SHROOM3: variants seen among roughly 807,000 people sequenced by gnomAD.
SHROOM3 encodes the protein shroom family member 3, also known as protein Shroom3.
A neutral mutation model predicts 138.6 loss-of-function variants in SHROOM3; 47 were observed. The ratio of observed to expected loss-of-function variants is 0.34; its 90% CI spans 0.27 to 0.43. The LOEUF is 0.43. Ranked by LOEUF, SHROOM3 falls within the 20% of genes least tolerant of loss-of-function variation. The pLI is 1.00. For missense variants in SHROOM3, 2,491 were observed against 2,596.5 expected (o/e 0.96, Z 0.88); for synonymous variants, 1,062 against 1,063.3 (o/e 1.00, Z 0.02).
At chr4:76,548,337 G>A (rs1047769806) in intron 1 of SHROOM3, among the ~76,000 whole-genome samples, 2 of 152,164 alleles carry the variant, frequency 1.3e-5, no homozygotes, top group African/African-American at 4.8e-5. Flanking sequence ...AGTGTGATGA[G>A]GAGGGTCACA....
intron 8 of SHROOM3, chr4:76,757,235 A>G (rs1251507654): frequency 2.7e-6 from 1 of 374,996 alleles, no homozygotes; most frequent in Non-Finnish European, 5.0e-6. Context: ...TTTTCACAAG[A>G]ACTTTCTGAG....
chr4:76,675,487 G>A (rs768481944), intron 2 of SHROOM3, among the ~76,000 whole-genome samples: 2 of 152,134 alleles, frequency 1.3e-5, no homozygotes, highest in Non-Finnish European at 2.9e-5. Flanking sequence ...AGACACTGTA[G>A]GTACCCAGAA....
intron 4 of SHROOM3, among the ~76,000 whole-genome samples, chr4:76,734,666 G>A (rs1351550319): frequency 2.0e-5 from 3 of 151,914 alleles, no homozygotes; most frequent in African/African-American, 4.8e-5. Context: ...GTGAGCCACC[G>A]TACCTGGTAG....
chr4:76,563,314 T>G (rs1003108794), intron 2 of SHROOM3, among the ~76,000 whole-genome samples: 1 of 152,238 alleles, frequency 6.6e-6, no homozygotes, highest in East Asian at 1.9e-4. Context: ...AAGCTTCTGA[T>G]TATAACCTTT....
intron 1 of SHROOM3, among the ~76,000 whole-genome samples, chr4:76,532,603 C>G (rs1732856162): frequency 6.6e-6 from 1 of 152,162 alleles, no homozygotes. Context: ...CCTTTTCCAT[C>G]TTAACTCAAC....
intron 1 of SHROOM3, among the ~76,000 whole-genome samples, chr4:76,472,783 G>T (rs1316342028): frequency 1.3e-5 from 2 of 151,732 alleles, no homozygotes. Context: ...CAACCTCCGT[G>T]TCCTGGGTTC....
intron 2 of SHROOM3, among the ~76,000 whole-genome samples, chr4:76,639,209 AGT>A (rs1735590394): frequency 6.6e-6 from 1 of 152,168 alleles, no homozygotes; most frequent in Non-Finnish European, 1.5e-5. Context: ...CCACTTACTG[AGT>A]ACCTAATAAA....
intron 2 of SHROOM3, among the ~76,000 whole-genome samples, chr4:76,590,035 G>A (rs1032996952): frequency 1.3e-5 from 2 of 152,054 alleles, no homozygotes; most frequent in Non-Finnish European, 2.9e-5. Flanking sequence ...CGGAAATCAG[G>A]GATCCTTAAA....
chr4:76,486,149 T>G (rs1731725327), intron 1 of SHROOM3, among the ~76,000 whole-genome samples: 1 of 152,192 alleles, frequency 6.6e-6, no homozygotes, highest in Admixed American at 6.5e-5. Flanking sequence ...AGAAAGGAAG[T>G]GAATACAATG....
intron 9 of SHROOM3, among the ~76,000 whole-genome samples, chr4:76,762,980 A>T (rs535578768): frequency 6.6e-6 from 1 of 152,186 alleles, no homozygotes; most frequent in Admixed American, 6.5e-5. Context: ...AAGGAAAAGC[A>T]TAAGGAGAAA....
At chr4:76,605,994 T>TACACACAC (rs1206862391) in intron 2 of SHROOM3, among the ~76,000 whole-genome samples, 9 of 106,230 alleles carry the variant, frequency 8.5e-5, no homozygotes, top group African/African-American at 3.7e-4. Context: ...CACACACATA[T>TACACACAC]ATATATATAT....
intron 1 of SHROOM3, among the ~76,000 whole-genome samples, chr4:76,539,617 C>T (rs1247769249): frequency 3.3e-5 from 5 of 152,142 alleles, no homozygotes; most frequent in Non-Finnish European, 2.9e-5. Flanking sequence ...TTAATCCTCG[C>T]AGCAATTCTA....
intron 1 of SHROOM3, among the ~76,000 whole-genome samples, chr4:76,550,427 T>G (rs934459776): frequency 4.6e-5 from 7 of 151,954 alleles, no homozygotes; most frequent in African/African-American, 1.7e-4. Flanking sequence ...CAGAAACCAT[T>G]AAGAGGAGAG....
rs1721745168 is a variant in SHROOM3 at position 76,754,697 on chromosome 4, G to A, written c.4214G>A (p.Gly1405Asp). 6.2e-7 allele frequency: 1 copy of A among 1,614,200 alleles called. No individual in the cohort carries two copies. Among genetic ancestry groups the A allele is most frequent in the Non-Finnish European group, 8.5e-7 (1 of 1,180,038 alleles). The change falls in exon 7 of 11, where the codon GGC (glycine) becomes GAC (aspartate). Residue 1405 changes from glycine to aspartate, a missense_variant. Around this residue, in one of 4 missense-constraint regions of SHROOM3, gnomAD observed 1,733 missense variants for 1,661.6 expected, o/e 1.04. Transcript: ENST00000296043. ...TQPPGPRGCE[G>D]DGPEHGVEEG... ...CCTCCCGGTCCAAGAGGCTGTGAGG[G>A]CGATGGCCCAGAGCATGGGGTAGAA...
intron 2 of SHROOM3, among the ~76,000 whole-genome samples, chr4:76,563,502 G>T (rs1396375921): frequency 1.3e-5 from 2 of 152,204 alleles, no homozygotes; most frequent in Admixed American, 6.5e-5. Flanking sequence ...TCGGATTGCA[G>T]GAAGGGGCTC....
At chr4:76,495,061 G>A (rs1429483984) in intron 1 of SHROOM3, among the ~76,000 whole-genome samples, 4 of 152,216 alleles carry the variant, frequency 2.6e-5, no homozygotes, top group Non-Finnish European at 5.9e-5. Context: ...ACAAAATTAA[G>A]CAGATGGTTA....
intron 3 of SHROOM3, among the ~76,000 whole-genome samples, chr4:76,719,197 C>G (rs910036391): frequency 9.8e-5 from 15 of 152,332 alleles, no homozygotes; most frequent in African/African-American, 3.6e-4. Context: ...AGATCCATGA[C>G]AGTCTTGGGG....
chr4:76,509,937 T>C (rs1251927265), intron 1 of SHROOM3, among the ~76,000 whole-genome samples: 1 of 152,210 alleles, frequency 6.6e-6, no homozygotes, highest in African/African-American at 2.4e-5. Flanking sequence ...CCTTGAAATT[T>C]GCCAAAATTT....
At chr4:76,549,303 A>G (rs943837366) in intron 1 of SHROOM3, among the ~76,000 whole-genome samples, 3 of 152,194 alleles carry the variant, frequency 2.0e-5, no homozygotes, top group African/African-American at 7.2e-5. Context: ...ATTCATGATA[A>G]TAAATGGAGA....
Sources: gnomAD v4.1 joint callset for allele counts (sites outside exome capture counted in the v4.1 genomes callset) on GRCh38, gnomAD v4.1.1 for gene constraint, gnomAD v4.1.1 regional missense constraint, MANE v1.5 for transcripts, NCBI Gene and HGNC (gene_info 2026-07-23, HGNC 2026-07-21) for gene names.